The following CMTM8 variants were observed in gnomAD, a reference collection of about 807,000 sequenced individuals.
CMTM8 encodes the protein CKLF-like MARVEL transmembrane domain-containing protein 8.
In CMTM8, 12 loss-of-function variants were observed where a neutral mutation model predicts 18.6. The ratio of observed to expected loss-of-function variants is 0.65; its 90% CI spans 0.41 to 1.05. The LOEUF is 1.05. Among genes scored for constraint, CMTM8 ranks in the 50% least tolerant of loss-of-function variants. The pLI, the probability that CMTM8 is intolerant of heterozygous loss-of-function variation, is 0.00. For synonymous variants in CMTM8, 87 were observed against 90.6 expected (o/e 0.96, Z 0.23); for missense variants, 217 against 227.2 (o/e 0.95, Z 0.29).
rs144533624 is a variant in CMTM8, at chr3:32,351,711, C to CAAAAAAA, written c.148-5656_148-5650dup. Among the ~76,000 whole-genome samples, 98 of 134,504 alleles carry CAAAAAAA rather than the reference C, an allele frequency of 7.3e-4. 1 individual carries two copies. Among genetic ancestry groups the CAAAAAAA allele is most frequent in the African/African-American group, 8.8e-4 (32 of 36,264 alleles). 88.2% of individuals were successfully genotyped at this position (134,504 alleles called of 152,430 possible). On this transcript the variant is annotated intron_variant, in intron 1 of 3. Transcript: ENST00000307526. ...TGGGCAACAGAGTGAGACCCTGTCT[C>CAAAAAAA]AAAAAAAAAAAATATGTAAAAACTT...
rs148891660 is a variant in CMTM8 at position 32,263,120 on chromosome 3, G to A, written c.147+24001G>A. 7.5e-3 allele frequency among the ~76,000 whole-genome samples: 1,133 copies of A among 151,968 alleles called. 10 individuals are homozygous for A. The highest frequency in any genetic ancestry group is 0.022 in the African/African-American group (905 of 41,272). On this transcript the variant is annotated intron_variant, in intron 1 of 3. Coordinates refer to ENST00000307526, the MANE Select transcript of CMTM8 (RefSeq NM_178868.5). ...AAGACAGTAGCGGTTCTCTCAGCACGCAGCTTGAGATCTGAGAACGGACAG... is the reference window on the plus strand; with the variant it reads ...AAGACAGTAGCGGTTCTCTCAGCACACAGCTTGAGATCTGAGAACGGACAG...
chr3:32,341,053 C>A (rs1028400598), intron 1 of CMTM8, among the ~76,000 whole-genome samples: 2 of 152,230 alleles, frequency 1.3e-5, no homozygotes, highest in African/African-American at 4.8e-5. Context: ...GCCATCAGAG[C>A]AAATAGGATT....
chr3:32,247,954 A>G (rs1410752761), intron 1 of CMTM8, among the ~76,000 whole-genome samples: 1 of 152,202 alleles, frequency 6.6e-6, no homozygotes, highest in East Asian at 1.9e-4. Context: ...GACATTTCAC[A>G]TAAATGGAAT....
At chr3:32,288,350 C>T (rs549452587) in intron 1 of CMTM8, among the ~76,000 whole-genome samples, 18 of 152,206 alleles carry the variant, frequency 1.2e-4, no homozygotes, top group South Asian at 2.1e-4. Flanking sequence ...GTGACATGAT[C>T]GCCCACCGTA....
intron 1 of CMTM8, among the ~76,000 whole-genome samples, chr3:32,335,717 C>T (rs1235485337): frequency 9.2e-5 from 14 of 152,278 alleles, no homozygotes; most frequent in Admixed American, 6.5e-5. Flanking sequence ...CCCAAATTTT[C>T]TTCTGTTTGA....
At chr3:32,364,688 C>G (rs1390501294) in intron 2 of CMTM8, among the ~76,000 whole-genome samples, 1 of 152,108 alleles carries the variant, frequency 6.6e-6, no homozygotes, top group African/African-American at 2.4e-5. Flanking sequence ...GATGGTGAAC[C>G]TAGGTAGCTA....
At chr3:32,266,612 G>A (rs1344990765) in intron 1 of CMTM8, among the ~76,000 whole-genome samples, 1 of 152,162 alleles carries the variant, frequency 6.6e-6, no homozygotes. Context: ...AGGGCAATCA[G>A]GCAGGAGAAG....
intron 2 of CMTM8, among the ~76,000 whole-genome samples, chr3:32,360,394 T>G (rs1431151402): frequency 1.3e-5 from 2 of 152,248 alleles, no homozygotes; most frequent in African/African-American, 4.8e-5. Flanking sequence ...GTCAAACATG[T>G]CTGACTTCTG....
chr3:32,346,322 A>G (rs1696594867), intron 1 of CMTM8, among the ~76,000 whole-genome samples: 1 of 152,200 alleles, frequency 6.6e-6, no homozygotes. Context: ...TATAGTTATA[A>G]ATAATATGTG....
chr3:32,351,426 G>A (rs9862911), intron 1 of CMTM8, among the ~76,000 whole-genome samples: 111,069 of 152,152 alleles, frequency 0.73, 40,701 homozygotes, highest in East Asian at 0.84. Context: ...CAATTATGTC[G>A]GCCAGGCATG....
chr3:32,242,667 C>T (rs1025287427), intron 1 of CMTM8, among the ~76,000 whole-genome samples: 21 of 152,098 alleles, frequency 1.4e-4, no homozygotes, highest in Admixed American at 1.2e-3. Flanking sequence ...CCCTCTACCC[C>T]CTGACTTCTG....
chr3:32,370,032 T>C lies in CMTM8; in HGVS notation c.*65T>C. The stretch of plus-strand genomic sequence containing the variant: ...CTCTCACTGTAAAAACAGCTGTAGG[T>C]ATAATGTATATTCCCAGAGAATTGT... On this transcript the variant is annotated 3_prime_UTR_variant, in exon 4 of 4. Transcript: ENST00000307526. 1.2e-6 allele frequency: 1 copy of C among 820,770 alleles called. No individual in the cohort carries two copies. Among genetic ancestry groups the C allele is most frequent in the South Asian group, 1.8e-5 (1 of 55,764 alleles). The allele number at this position is 820,770 out of a possible 1,614,324, so 50.8% of individuals were successfully genotyped here. A position where few individuals can be genotyped will look rare whatever the true frequency, so the allele number is the denominator to read the frequency against.
At chr3:32,364,597 TAAG>T (rs932958297) in intron 2 of CMTM8, among the ~76,000 whole-genome samples, 1 of 152,186 alleles carries the variant, frequency 6.6e-6, no homozygotes, top group African/African-American at 2.4e-5. Context: ...AAATAAATGC[TAAG>T]AAGAGAGGCA....
intron 1 of CMTM8, among the ~76,000 whole-genome samples, chr3:32,340,049 C>T (rs934151204): frequency 6.6e-6 from 1 of 152,158 alleles, no homozygotes; most frequent in African/African-American, 2.4e-5. Flanking sequence ...CCTTCCAAGT[C>T]TTTGTATTAA....
At chr3:32,284,489 ATC>A (rs1559369663) in intron 1 of CMTM8, among the ~76,000 whole-genome samples, 26 of 152,176 alleles carry the variant, frequency 1.7e-4, no homozygotes, top group Non-Finnish European at 1.5e-5. Flanking sequence ...TTTGCATTAT[ATC>A]TCATAATTTT....
chr3:32,357,172 A>T (rs1696831632), intron 1 of CMTM8, among the ~76,000 whole-genome samples: 1 of 152,144 alleles, frequency 6.6e-6, no homozygotes, highest in South Asian at 2.1e-4. Flanking sequence ...TGAACCCGGG[A>T]GGTGGAGGTT....
chr3:32,274,354 C>T (rs1436104958), intron 1 of CMTM8, among the ~76,000 whole-genome samples: 1 of 151,878 alleles, frequency 6.6e-6, no homozygotes, highest in African/African-American at 2.4e-5. Context: ...TGGGAGGATA[C>T]CCAGTCTGTC....
intron 1 of CMTM8, among the ~76,000 whole-genome samples, chr3:32,341,133 G>C (rs990421681): frequency 2.6e-5 from 4 of 152,206 alleles, no homozygotes; most frequent in African/African-American, 9.7e-5. Flanking sequence ...CACTTCAAAA[G>C]GCCTTGTCGT....
At chr3:32,328,370 C>CAAAAA (rs796201249) in intron 1 of CMTM8, among the ~76,000 whole-genome samples, 11 of 74,776 alleles carry the variant, frequency 1.5e-4, no homozygotes, top group African/African-American at 2.5e-4. Context: ...ACCCTGTCTC[C>CAAAAA]AAAAAAAAAA....
Sources: gnomAD v4.1 joint callset for allele counts (sites outside exome capture counted in the v4.1 genomes callset) on GRCh38, gnomAD v4.1.1 for gene constraint, MANE v1.5 for transcripts, NCBI Gene and HGNC (gene_info 2026-07-23, HGNC 2026-07-21) for gene names.